DDIAS: variants seen among roughly 807,000 people sequenced by gnomAD.
DDIAS encodes the protein DNA damage-induced apoptosis suppressor protein.
DDIAS carries 14 observed loss-of-function variants against 15.7 expected under a neutral mutation model. The observed-to-expected ratio is 0.89, with a 90% CI of 0.59 to 1.39. The LOEUF is 1.39. DDIAS is among the 40% of genes most tolerant of loss of function. The pLI is 0.00. For synonymous variants in DDIAS, 355 were observed against 395.9 expected (o/e 0.90, Z 1.23); for missense variants, 1,035 against 1,130.9 (o/e 0.92, Z 1.22).
At chr11:82,907,236 A>G (rs1344429650) in intron 1 of DDIAS, among the ~76,000 whole-genome samples, 2 of 152,246 alleles carry the variant, frequency 1.3e-5, no homozygotes, top group Admixed American at 6.5e-5. Context: ...AACACAACTC[A>G]GATTGTTTCT....
At chr11:82,905,403 T>G (rs1315550244) in intron 1 of DDIAS, among the ~76,000 whole-genome samples, 1 of 152,196 alleles carries the variant, frequency 6.6e-6, no homozygotes, top group African/African-American at 2.4e-5. Flanking sequence ...AGCAATACAC[T>G]TAGATTGTAT....
intron 3 of DDIAS, among the ~76,000 whole-genome samples, chr11:82,915,666 G>A (rs1565245276): frequency 7.8e-6 from 1 of 128,350 alleles, no homozygotes; most frequent in Non-Finnish European, 1.6e-5. Flanking sequence ...CCCTGTTTGT[G>A]TTATTCATCA....
At chr11:82,929,802 A>T (rs1257048053) in intron 4 of DDIAS, among the ~76,000 whole-genome samples, 1 of 152,160 alleles carries the variant, frequency 6.6e-6, no homozygotes, top group East Asian at 1.9e-4. Flanking sequence ...GCTTGAGACA[A>T]TAAAGGGACC....
Position 82,933,500 on chromosome 11 carries a change from G to T in DDIAS, c.2162G>T (p.Arg721Ile). ...SHPSESDFSLRSLSEDFIQPS... is the reference protein window; with the variant it reads ...SHPSESDFSLISLSEDFIQPS... ...CCTTCAGAGTCTGATTTTTCACTGA[G>T]ATCACTTTCTGAAGACTTCATCCAG... The change falls in exon 6 of 6, where the codon AGA (arginine) becomes ATA (isoleucine). Residue 721 changes from arginine to isoleucine, a missense_variant. Coordinates refer to ENST00000533655, the MANE Select transcript of DDIAS (RefSeq NM_145018.4). The T allele has an allele frequency of 6.2e-7, 1 of 1,613,960 alleles. No individual in the cohort carries two copies. The highest frequency in any genetic ancestry group is 8.5e-7 in the Non-Finnish European group (1 of 1,179,980).
rs761822757 is a variant in DDIAS, at chr11:82,930,155, A to G, written c.276-2A>G. On this transcript the variant is annotated splice_acceptor_variant, in intron 4 of 5. Transcript: ENST00000533655. LOFTEE classifies it high-confidence loss of function. ...ACATTTTTTACTTTTTTTCCAATCAAGGTACATTCAGGATCCTAATAAAAT... is the reference window on the plus strand; with the variant it reads ...ACATTTTTTACTTTTTTTCCAATCAGGGTACATTCAGGATCCTAATAAAAT... 4.0e-6 allele frequency: 6 copies of G among 1,512,586 alleles called. No homozygotes were observed. Among genetic ancestry groups the G allele is most frequent in the Non-Finnish European group, 5.4e-6 (6 of 1,108,546 alleles). The allele number at this position is 1,512,586 out of a possible 1,614,324, so 93.7% of individuals were successfully genotyped here.
chr11:82,929,102 T>C (rs1389372284), intron 4 of DDIAS, among the ~76,000 whole-genome samples, 164 bp downstream of exon 4: 1 of 152,230 alleles, frequency 6.6e-6, no homozygotes, highest in Non-Finnish European at 1.5e-5. Flanking sequence ...CCTGAATACA[T>C]ATTATGATGA....
rs1049084695 is a variant in DDIAS, at chr11:82,917,790, G to A, written c.113+2939G>A. Among the ~76,000 whole-genome samples, 7 of 152,126 alleles carry A rather than the reference G, an allele frequency of 4.6e-5. 1 individual carries two copies. The East Asian group carries it at 1.2e-3, about 25-fold the overall frequency. On this transcript the variant is annotated intron_variant, in intron 3 of 5. Coordinates refer to ENST00000533655, the MANE Select transcript of DDIAS (RefSeq NM_145018.4). ...AATGTAGAAGTGTTCTCTGATTGCT[G>A]CATCCACACCAACATCTACTGGTTT...
chr11:82,918,480 G>C (rs1489724662), intron 3 of DDIAS, among the ~76,000 whole-genome samples: 2 of 152,184 alleles, frequency 1.3e-5, no homozygotes, highest in South Asian at 4.1e-4. Context: ...GGTGACGATG[G>C]CCTTATAGTA....
chr11:82,919,367 G>A (rs940080403), intron 3 of DDIAS, among the ~76,000 whole-genome samples: 2 of 152,074 alleles, frequency 1.3e-5, no homozygotes, highest in African/African-American at 4.8e-5. Context: ...GTGATTTTTG[G>A]TTTTAAAATT....
intron 1 of DDIAS, among the ~76,000 whole-genome samples, chr11:82,903,909 C>T (rs149055699): frequency 2.0e-5 from 3 of 152,280 alleles, no homozygotes; most frequent in Non-Finnish European, 2.9e-5. Flanking sequence ...TTTCTTTATG[C>T]CATTAGAAGT....
chr11:82,931,818 A>G lies in DDIAS; in HGVS notation c.480A>G (p.Leu160=). The G allele has an allele frequency of 6.2e-7, 1 of 1,614,176 alleles. No homozygotes were observed. The highest frequency in any genetic ancestry group is 8.5e-7 in the Non-Finnish European group (1 of 1,179,974). Residue 160 remains leucine (L), a synonymous_variant, in exon 6 of 6, where the codon CTA becomes CTG. Transcript: ENST00000533655. The part of the protein sequence containing the change: ...CSDHKRKAKA[L]VACQIVLPDP... Reference sequence around the variant, plus strand: ...ACCACAAAAGAAAAGCCAAAGCACTAGTGGCTTGCCAGATTGTTCTACCAG... The same window carrying G: ...ACCACAAAAGAAAAGCCAAAGCACTGGTGGCTTGCCAGATTGTTCTACCAG...
At chr11:82,909,722 A>C (rs1430597905) in intron 1 of DDIAS, among the ~76,000 whole-genome samples, 1 of 152,198 alleles carries the variant, frequency 6.6e-6, no homozygotes, top group African/African-American at 2.4e-5. Flanking sequence ...ATGTAGCCTA[A>C]GGTGACAACC....
intron 1 of DDIAS, 91 bp downstream of exon 1, chr11:82,901,913 G>A (rs1443530483): frequency 6.6e-6 from 1 of 152,234 alleles, no homozygotes; most frequent in African/African-American, 2.4e-5. Context: ...CCCACCCAGA[G>A]CCCGGCGCTT....
At chr11:82,910,735 C>T (rs746390101) in intron 1 of DDIAS, among the ~76,000 whole-genome samples, 3 of 151,496 alleles carry the variant, frequency 2.0e-5, no homozygotes, top group Admixed American at 2.0e-4. Flanking sequence ...CCCACCTCAG[C>T]CTCCCAAGTA....
At chr11:82,908,698 G>T (rs1590798568) in intron 1 of DDIAS, among the ~76,000 whole-genome samples, 2 of 152,158 alleles carry the variant, frequency 1.3e-5, no homozygotes, top group African/African-American at 4.8e-5. Context: ...GAACTCAGAA[G>T]AGAGAAATAA....
intron 1 of DDIAS, among the ~76,000 whole-genome samples, chr11:82,906,556 C>T (rs1188465198): frequency 2.0e-5 from 3 of 151,916 alleles, no homozygotes; most frequent in African/African-American, 7.3e-5. Context: ...TTCACTTAGC[C>T]CAGTGTACGA....
chr11:82,912,473 C>G (rs1860545817), intron 1 of DDIAS, among the ~76,000 whole-genome samples: 1 of 152,200 alleles, frequency 6.6e-6, no homozygotes, highest in African/African-American at 2.4e-5. Flanking sequence ...CCTCTGCTAG[C>G]TTCAAGCATT....
chr11:82,922,360 G>C (rs1008427908), intron 3 of DDIAS, among the ~76,000 whole-genome samples: 1 of 152,136 alleles, frequency 6.6e-6, no homozygotes, highest in Non-Finnish European at 1.5e-5. Flanking sequence ...TCTTAGGTTT[G>C]GCTGTTTAAC....
At position 82,933,435 on chromosome 11, in the gene DDIAS, T is replaced by C; in HGVS notation, c.2097T>C (p.Asp699=). Residue 699 remains aspartate, a synonymous_variant, in exon 6 of 6, where the codon GAT becomes GAC. Coordinates refer to ENST00000533655, the MANE Select transcript of DDIAS (RefSeq NM_145018.4). ...IATEITKKSQ[D]ILLKWGTSLA... is the part of the protein sequence containing the mutation. ...CTGAGATTACCAAAAAATCACAGGA[T>C]ATTTTGTTAAAATGGGGAACATCTT... The C allele has an allele frequency of 3.1e-6, 5 of 1,613,952 alleles. No individual in the cohort carries two copies. The highest frequency in any genetic ancestry group is 4.2e-6 in the Non-Finnish European group (5 of 1,179,954).
Sources: gnomAD v4.1 joint callset for allele counts (sites outside exome capture counted in the v4.1 genomes callset) on GRCh38, gnomAD v4.1.1 for gene constraint, MANE v1.5 for transcripts, NCBI Gene and HGNC (gene_info 2026-07-23, HGNC 2026-07-21) for gene names.